The following SAMD5 variants were observed in gnomAD, a reference collection of about 807,000 sequenced individuals.
The protein encoded by SAMD5 is sterile alpha motif domain containing 5, also known as sterile alpha motif domain-containing protein 5.
Under a neutral mutation model 11.3 loss-of-function variants are expected in SAMD5, and 13 were observed. The observed-to-expected ratio is 1.15, with a 90% CI of 0.75 to 1.83. SAMD5 has a LOEUF of 1.83. Among genes scored for constraint, SAMD5 ranks in the 40% most tolerant of loss-of-function variants. The probability of loss-of-function intolerance (pLI) is 0.00; values close to 1 mark genes in which losing one functional copy is unlikely to be tolerated. For synonymous variants in SAMD5, 129 were observed against 111.3 expected, an observed-to-expected ratio of 1.16 and a Z score of -1.00; for missense variants, 255 against 239.1, an observed-to-expected ratio of 1.07 and a Z score of -0.44.
the SAMD5 span, among the ~76,000 whole-genome samples, chr6:147,768,602 CCAAA>C: frequency 3.2e-3 from 489 of 152,144 alleles, 2 homozygotes; most frequent in African/African-American, 0.011. Flanking sequence ...TTACTATGTG[CCAAA>C]CACTGTGCTA....
intron 1 of SAMD5, among the ~76,000 whole-genome samples, chr6:147,537,633 A>C (rs1384197277): frequency 1.4e-4 from 21 of 152,050 alleles, no homozygotes; most frequent in Admixed American, 1.4e-3. Flanking sequence ...GGGCACCTGT[A>C]GTCCCAGCTA....
chr6:147,823,443 A>C, the SAMD5 span, among the ~76,000 whole-genome samples: 9 of 150,494 alleles, frequency 6.0e-5, no homozygotes, highest in Non-Finnish European at 1.0e-4. Context: ...GCATAAAAAA[A>C]CCCACAAAAT....
intron 1 of SAMD5, among the ~76,000 whole-genome samples, chr6:147,558,648 G>T (rs146762015): frequency 4.7e-4 from 72 of 151,736 alleles, no homozygotes; most frequent in Non-Finnish European, 8.7e-4. Flanking sequence ...GGGCTCTTCT[G>T]CAGGTAGCTT....
chr6:147,721,912 T>C (rs1240387312), intron 1 of SAMD5, among the ~76,000 whole-genome samples: 2 of 152,354 alleles, frequency 1.3e-5, no homozygotes, highest in Non-Finnish European at 2.9e-5. Context: ...AAAAAACATA[T>C]ATGAATGTTT....
intron 1 of SAMD5, among the ~76,000 whole-genome samples, chr6:147,611,913 T>G (rs1204338043): frequency 6.6e-6 from 1 of 152,184 alleles, no homozygotes; most frequent in South Asian, 2.1e-4. Context: ...CTAAGACAAG[T>G]GGAACTTCTG....
chr6:147,784,562 G>A, the SAMD5 span, among the ~76,000 whole-genome samples: 2 of 152,154 alleles, frequency 1.3e-5, no homozygotes, highest in Non-Finnish European at 2.9e-5. Context: ...ACATGAAACT[G>A]CCTGGTAAAT....
chr6:147,545,777 A>ATGTTTGTGT (rs1435570533), intron 1 of SAMD5, among the ~76,000 whole-genome samples: 2 of 152,212 alleles, frequency 1.3e-5, no homozygotes, highest in African/African-American at 2.4e-5. Flanking sequence ...ATACATACAT[A>ATGTTTGTGT]AATCAGGTTA....
the SAMD5 span, among the ~76,000 whole-genome samples, chr6:147,937,696 T>C: frequency 6.6e-6 from 1 of 152,220 alleles, no homozygotes; most frequent in Non-Finnish European, 1.5e-5. Context: ...GGAAAATTCT[T>C]AATAACCAGA....
At chr6:147,522,915 A>G (rs1396903143) in intron 1 of SAMD5, among the ~76,000 whole-genome samples, 1 of 152,118 alleles carries the variant, frequency 6.6e-6, no homozygotes, top group Non-Finnish European at 1.5e-5. Context: ...TGAACTGGGG[A>G]CAGAGACTGT....
the SAMD5 span, among the ~76,000 whole-genome samples, chr6:147,863,244 T>C: frequency 5.8e-4 from 88 of 152,210 alleles, no homozygotes; most frequent in African/African-American, 2.1e-3. Context: ...CAAACTCACG[T>C]TGGGGACTTA....
chr6:147,848,481 AT>A, the SAMD5 span, among the ~76,000 whole-genome samples: 2 of 152,190 alleles, frequency 1.3e-5, no homozygotes, highest in African/African-American at 4.8e-5. Flanking sequence ...CCCTGAAGCA[AT>A]TCATTGAAGA....
At chr6:147,948,976 G>GA in the SAMD5 span, among the ~76,000 whole-genome samples, 1 of 152,148 alleles carries the variant, frequency 6.6e-6, no homozygotes, top group African/African-American at 2.4e-5. Flanking sequence ...AAAAAGATCA[G>GA]AAAACAGGAG....
In SAMD5 at chr6:147,564,765, A is replaced by C. The variant is rs1789010255; in HGVS notation, c.*309A>C. On this transcript the variant is annotated 3_prime_UTR_variant, in exon 2 of 2. Transcript: ENST00000367474. The stretch of plus-strand genomic sequence containing the variant: ...ATTCTCCCTTCCATTCTTAATGAAA[A>C]CAGATGAGGTTGGCTAAGGCATTTG... 9.7e-6 allele frequency: 10 copies of C among 1,034,246 alleles called. No homozygotes were observed. In the South Asian group the frequency reaches 4.1e-4, roughly 42 times the overall value. The allele number at this position is 1,034,246 out of a possible 1,614,324, so 64.1% of individuals were successfully genotyped here. A position where few individuals can be genotyped will look rare whatever the true frequency, so the allele number is the denominator to read the frequency against.
intron 1 of SAMD5, among the ~76,000 whole-genome samples, chr6:147,616,273 ATTTAT>A (rs1199789562): frequency 0.069 from 9,620 of 138,922 alleles, 1,909 homozygotes; most frequent in African/African-American, 0.28. Context: ...TTTCATATAT[ATTTAT>A]TCATATATAC....
At position 147,609,912 on chromosome 6, in the gene SAMD5, A is replaced by AT. The variant is rs373701284; in HGVS notation, c.162+100533dup. On this transcript the variant is annotated intron_variant, in intron 1 of 1. Transcript: ENST00000566741. ...ATACTTGTCCTATGTAAGCATTTCT[A>AT]TTTTTTTTATTTTTGAGATACACCT... Among the ~76,000 whole-genome samples, 26 of 152,086 alleles carry AT rather than the reference A, an allele frequency of 1.7e-4. 1 individual carries two copies. The highest frequency in any genetic ancestry group is 4.8e-4 in the African/African-American group (20 of 41,474).
chr6:147,523,091 C>T (rs188858992), intron 1 of SAMD5, among the ~76,000 whole-genome samples: 33 of 152,170 alleles, frequency 2.2e-4, no homozygotes, highest in East Asian at 7.7e-4. Context: ...CCCCTATAGT[C>T]GGCTCCCTTC....
chr6:147,708,605 A>G lies in SAMD5; in HGVS notation c.163-28712A>G, dbSNP rs568204274. 3.3e-5 allele frequency among the ~76,000 whole-genome samples: 5 copies of G among 152,364 alleles called. No individual in the cohort carries two copies. The South Asian group carries it at 1.0e-3, about 32-fold the overall frequency. ...CAGAAGTGGAAATATTTCTAGAAAT[A>G]TATTTGAATCCTTAAAGCCTGGGTA... On this transcript the variant is annotated intron_variant, in intron 1 of 1. Transcript: ENST00000566741.
At chr6:147,941,972 C>G in the SAMD5 span, among the ~76,000 whole-genome samples, 1 of 152,268 alleles carries the variant, frequency 6.6e-6, no homozygotes, top group Admixed American at 6.5e-5. Context: ...TTCCCTGATT[C>G]AAGCGATTCT....
intron 1 of SAMD5, chr6:147,729,861 G>A: frequency 2.2e-6 from 1 of 455,712 alleles, no homozygotes; most frequent in East Asian, 7.0e-5. Flanking sequence ...GAGGCAGGTG[G>A]ATCACCTGAG....
Sources: allele counts gnomAD v4.1 joint callset (sites outside exome capture counted in the v4.1 genomes callset), GRCh38; gene constraint gnomAD v4.1.1; transcripts MANE v1.5; gene names NCBI Gene and HGNC (gene_info 2026-07-23, HGNC 2026-07-21).